The following PAK4 variants were observed in gnomAD, a reference collection of about 807,000 sequenced individuals.
PAK4 encodes the protein serine/threonine-protein kinase PAK 4.
PAK4 carries 49 observed loss-of-function variants against 53.5 expected under a neutral mutation model. The ratio of observed to expected loss-of-function variants is 0.92; its 90% CI spans 0.73 to 1.16. The LOEUF (loss-of-function observed/expected upper bound fraction) is 1.16, where lower values mean the gene tolerates loss of function less well. PAK4 is among the 50% of genes most tolerant of loss of function. The pLI is 0.00. For synonymous variants in PAK4, 376 were observed against 375.6 expected (o/e 1.00, Z -0.01); for missense variants, 824 against 850.7 (o/e 0.97, Z 0.39).
chr19:39,174,953 A>G lies in PAK4; in HGVS notation c.1121A>G (p.Gln374Arg), dbSNP rs766063962. Residue 374 changes from glutamine to arginine, a missense_variant, in exon 5 of 9, where the codon CAG becomes CGG. Coordinates refer to ENST00000358301, the Ensembl canonical transcript of PAK4. ...CAGGTGGTAATCATGAGGGACTACC[A>G]GCACGAGAATGTGGTGGAGATGTAC... 3 of 1,613,870 alleles carry G rather than the reference A, an allele frequency of 1.9e-6. No homozygotes were observed. The South Asian group carries it at 3.3e-5, about 18-fold the overall frequency.
At chr19:39,169,927 C>T (rs994522906) in intron 2 of PAK4, among the ~76,000 whole-genome samples, 170 bp downstream of exon 3, 1 of 151,940 alleles carries the variant, frequency 6.6e-6, no homozygotes, top group Non-Finnish European at 1.5e-5. Context: ...TTTCACCCTC[C>T]ACCCACTGGC....
Position 39,173,512 on chromosome 19 carries a change from C to A in PAK4, c.664-64C>A. 7.1e-7 allele frequency: 1 copy of A among 1,414,868 alleles called. No individual in the cohort carries two copies. The highest frequency in any genetic ancestry group is 9.6e-7 in the Non-Finnish European group (1 of 1,044,662). 87.6% of individuals were successfully genotyped at this position (1,414,868 alleles called of 1,614,324 possible). On this transcript the variant is annotated intron_variant, in intron 3 of 8. Coordinates refer to ENST00000358301, the Ensembl canonical transcript of PAK4. The surrounding 1 kb of genome is among the most constrained non-coding windows in gnomAD (Gnocchi z 6.9). ...TCTGTCCCATCGCTGGGTCTCTCTC[C>A]TGCTTAGGGAGCAGAGCTGCTCCCT...
In PAK4 at chr19:39,161,745, A is replaced by G. The variant is rs1359869479; in HGVS notation, c.-22-7787A>G. ...CATTACCTCCTTGGCCTGTCCTTCC[A>G]CTTGCCCCCTCGCCCACCCTGCTCC... is the stretch of plus-strand genomic sequence containing the variant. On this transcript the variant is annotated intron_variant, in intron 1 of 8. Transcript: ENST00000358301. The surrounding 1 kb of genome is among the most constrained non-coding windows in gnomAD (Gnocchi z 4.5). Among the ~76,000 whole-genome samples, 13 of 151,240 alleles carry G rather than the reference A, an allele frequency of 8.6e-5. 1 individual carries two copies. Among genetic ancestry groups the G allele is most frequent in the Non-Finnish European group, 1.5e-5 (1 of 67,770 alleles).
At chr19:39,142,017 C>G (rs1011877247) in intron 1 of PAK4, among the ~76,000 whole-genome samples, 1 of 152,038 alleles carries the variant, frequency 6.6e-6, no homozygotes, top group Non-Finnish European at 1.5e-5. Context: ...CCTTTGTTAC[C>G]CAGGCTGAAG....
intron 2 of PAK4, among the ~76,000 whole-genome samples, chr19:39,170,704 G>T (rs949266093): frequency 6.6e-6 from 1 of 152,210 alleles, no homozygotes; most frequent in Non-Finnish European, 1.5e-5. Flanking sequence ...GCGGGGAGAA[G>T]CCCCAAGGCC....
At chr19:39,129,551 G>C (rs2073660922) in intron 1 of PAK4, among the ~76,000 whole-genome samples, 1 of 152,182 alleles carries the variant, frequency 6.6e-6, no homozygotes, top group South Asian at 2.1e-4. Flanking sequence ...TTTATTTCAA[G>C]TCCTGCTTTG....
At chr19:39,157,574 G>T (rs1430364881) in intron 1 of PAK4, among the ~76,000 whole-genome samples, 1 of 152,170 alleles carries the variant, frequency 6.6e-6, no homozygotes, top group African/African-American at 2.4e-5. Flanking sequence ...AGTCTCAGAA[G>T]CTCCCTCTGG....
chr19:39,165,408 G>A (rs1252789647), intron 1 of PAK4, among the ~76,000 whole-genome samples: 1 of 149,758 alleles, frequency 6.7e-6, no homozygotes, highest in Non-Finnish European at 1.5e-5. Flanking sequence ...CCAGCTACTG[G>A]GGAGGCTGAG....
intron 1 of PAK4, among the ~76,000 whole-genome samples, chr19:39,146,020 T>C (rs1235550665): frequency 6.6e-6 from 1 of 152,256 alleles, no homozygotes; most frequent in Non-Finnish European, 1.5e-5. Flanking sequence ...GTGTGAGGGT[T>C]ATTTCATCCA....
At chr19:39,174,856 G>GGGGGGTGGCGGTGGCT in intron 4 of PAK4, 75 bp from the exon 6 acceptor site, 1 of 1,560,604 alleles carries the variant, frequency 6.4e-7, no homozygotes. Flanking sequence ...GGGGGAGCCA[G>GGGGGGTGGCGGTGGCT]GGGGGTGGCG....
chr19:39,179,675 A>G (rs750105635), downstream of PAK4: 3 of 152,240 alleles, frequency 2.0e-5, no homozygotes, highest in African/African-American at 7.2e-5. Context: ...CAAATCTGCA[A>G]TTTCCTGGAA....
intron 1 of PAK4, chr19:39,168,764 A>T (rs1225668544): frequency 6.6e-6 from 1 of 152,158 alleles, no homozygotes; most frequent in Non-Finnish European, 1.5e-5. Context: ...AAGATAGGGG[A>T]GTGTCGCGAC....
At chr19:39,132,600 T>C (rs1254372912) in intron 1 of PAK4, among the ~76,000 whole-genome samples, 1 of 152,268 alleles carries the variant, frequency 6.6e-6, no homozygotes, top group Non-Finnish European at 1.5e-5. Context: ...CATTCCCATC[T>C]TTCCGTGCTG....
intron 1 of PAK4, among the ~76,000 whole-genome samples, chr19:39,159,110 G>C (rs1378216706): frequency 6.6e-6 from 1 of 152,184 alleles, no homozygotes; most frequent in Non-Finnish European, 1.5e-5. Context: ...TGAGGACACT[G>C]AGGCCCAGAG....
intron 7 of PAK4, among the ~76,000 whole-genome samples, 184 bp downstream of exon 8, chr19:39,176,899 C>T (rs1159301896): frequency 6.6e-6 from 1 of 151,632 alleles, no homozygotes; most frequent in African/African-American, 2.4e-5. Context: ...GATGGAGTCT[C>T]GCTCTGTTGC....
intron 1 of PAK4, chr19:39,135,186 A>G (rs2073787504): frequency 6.6e-6 from 1 of 152,120 alleles, no homozygotes; most frequent in Non-Finnish European, 1.5e-5. Context: ...TGACCTTGGA[A>G]CATTTTTATT....
At chr19:39,182,668 A>G (rs931706239), downstream of PAK4, 5 of 150,970 alleles carry the variant, frequency 3.3e-5, no homozygotes, top group African/African-American at 9.8e-5. Context: ...AAATAACAAA[A>G]ATTAGCCGGG....
rs1388713513 is a variant in PAK4 at position 39,178,484 on chromosome 19, G to C, written c.1681G>C (p.Ala561Pro). The C allele has an allele frequency of 6.2e-7, 1 of 1,611,158 alleles. No homozygotes were observed. Among genetic ancestry groups the C allele is most frequent in the Non-Finnish European group, 8.5e-7 (1 of 1,179,220 alleles). Residue 561 changes from alanine to proline, a missense_variant, in exon 9 of 9, where the codon GCC becomes CCC. Coordinates refer to ENST00000358301, the Ensembl canonical transcript of PAK4. The surrounding 1 kb of genome is among the most constrained non-coding windows in gnomAD (Gnocchi z 4.4). ...GCTGGTGCGAGACCCTGCCCAGCGG[G>C]CCACGGCAGCCGAGCTGCTGAAGCA...
exon 8 of PAK4, chr19:39,177,791 A>G (rs201791285): frequency 1.2e-6 from 2 of 1,613,132 alleles, no homozygotes; most frequent in African/African-American, 1.3e-5. Context: ...TGCCACCCCG[A>G]CTGAAGAACC....
Sources: gnomAD v4.1 joint callset for allele counts (sites outside exome capture counted in the v4.1 genomes callset) on GRCh38, gnomAD v4.1.1 for gene constraint, Gnocchi (gnomAD v3.1) non-coding constraint, MANE v1.5 for transcripts, NCBI Gene and HGNC (gene_info 2026-07-23, HGNC 2026-07-21) for gene names.